Variants in CD109 observed in about 807,000 individuals in gnomAD.
CD109 encodes the protein CD109 molecule.
A neutral mutation model predicts 165.8 loss-of-function variants in CD109; 149 were observed. The observed-to-expected ratio is 0.90, with a 90% CI of 0.79 to 1.03. The LOEUF (loss-of-function observed/expected upper bound fraction) is 1.03. Ranked by LOEUF, CD109 falls within the 50% of genes least tolerant of loss-of-function variation. CD109 has a pLI of 0.00. For missense variants in CD109, 1,712 were observed against 1,677.8 expected (o/e 1.02, Z -0.36); for synonymous variants, 585 against 592.1 (o/e 0.99, Z 0.18).
intron 17 of CD109, among the ~76,000 whole-genome samples, chr6:73,781,687 C>T (rs1437269337): frequency 6.6e-6 from 1 of 151,512 alleles, no homozygotes; most frequent in East Asian, 1.9e-4. Context: ...TTTTGTACTC[C>T]AGCTTTTTGA....
At position 73,766,182 on chromosome 6, in the gene CD109, A is replaced by T. The variant is rs750798188; in HGVS notation, c.1332+28A>T. 8.5e-6 allele frequency: 13 copies of T among 1,528,970 alleles called. 1 individual carries two copies. The South Asian group carries it at 1.5e-4, about 17-fold the overall frequency. 94.7% of individuals were successfully genotyped at this position (1,528,970 alleles called of 1,614,324 possible). A position where few individuals can be genotyped will look rare whatever the true frequency, so the allele number is the denominator to read the frequency against. ...GCCGTCTGTTTCCCATCATTGTGTCACTGCAACAACACCATTACAGTTGTA... is the reference window on the plus strand; with the variant it reads ...GCCGTCTGTTTCCCATCATTGTGTCTCTGCAACAACACCATTACAGTTGTA... On this transcript the variant is annotated intron_variant, in intron 11 of 32. Coordinates refer to ENST00000287097, the MANE Select transcript of CD109 (RefSeq NM_133493.5).
At chr6:73,686,533 T>C in the CD109 span, among the ~76,000 whole-genome samples, 1 of 152,224 alleles carries the variant, frequency 6.6e-6, no homozygotes, top group Admixed American at 6.5e-5. Flanking sequence ...CGGCATATAG[T>C]ATCTGAATAT....
At chr6:73,798,123 TC>T (rs1775235027) in intron 23 of CD109, among the ~76,000 whole-genome samples, 2 of 151,210 alleles carry the variant, frequency 1.3e-5, no homozygotes, top group African/African-American at 2.4e-5. Flanking sequence ...TTTTTTTTTT[TC>T]TTTTTTTTGT....
At chr6:73,771,680 T>A in intron 15 of CD109, 99 bp downstream of exon 15, 1 of 733,930 alleles carries the variant, frequency 1.4e-6, no homozygotes, top group Non-Finnish European at 2.0e-6. Flanking sequence ...TTTCATTAGT[T>A]CCTTTGCATG....
chr6:73,756,703 T>G, intron 6 of CD109, 21 bp downstream of exon 6: 3 of 1,481,842 alleles, frequency 2.0e-6, no homozygotes, highest in Non-Finnish European at 2.7e-6. Flanking sequence ...CTCAATCTAT[T>G]TTGGAAGAAA....
At chr6:73,704,388 G>A (rs906669743) in intron 2 of CD109, among the ~76,000 whole-genome samples, 9 of 152,160 alleles carry the variant, frequency 5.9e-5, no homozygotes, top group African/African-American at 1.9e-4. Context: ...GGACTTTCAT[G>A]TTTGCTTTTA....
the CD109 span, among the ~76,000 whole-genome samples, chr6:73,684,826 G>A: frequency 4.6e-5 from 7 of 150,876 alleles, no homozygotes; most frequent in Non-Finnish European, 7.4e-5. Context: ...CTGGGACCAC[G>A]CTACCATGTC....
chr6:73,788,744 A>T, intron 22 of CD109, 132 bp downstream of exon 22: 2 of 709,762 alleles, frequency 2.8e-6, no homozygotes, highest in Admixed American at 6.6e-5. Context: ...ATTGGGCCCA[A>T]CAACTCATTA....
At chr6:73,791,128 CATACATACATATATAT>C (rs1226304244) in intron 22 of CD109, among the ~76,000 whole-genome samples, 5 of 90,444 alleles carry the variant, frequency 5.5e-5, no homozygotes, top group East Asian at 3.8e-4. Flanking sequence ...CATATATATA[CATACATACATATATAT>C]ATATATATAT....
chr6:73,780,363 G>T, intron 15 of CD109, 61 bp from the exon 16 acceptor site: 3 of 984,882 alleles, frequency 3.0e-6, no homozygotes, highest in South Asian at 1.3e-5. Flanking sequence ...TAAGTTACTT[G>T]GAAGAAGTGT....
intron 31 of CD109, among the ~76,000 whole-genome samples, chr6:73,819,227 A>C (rs1776034578): frequency 6.6e-6 from 1 of 152,236 alleles, no homozygotes; most frequent in African/African-American, 2.4e-5. Context: ...TTGAAAAATT[A>C]GGTGCTAAAT....
At chr6:73,746,118 T>G (rs1297296017) in intron 5 of CD109, among the ~76,000 whole-genome samples, 1 of 152,240 alleles carries the variant, frequency 6.6e-6, no homozygotes, top group Admixed American at 6.5e-5. Flanking sequence ...TATATTATCT[T>G]AACGCAGTGC....
intron 14 of CD109, among the ~76,000 whole-genome samples, chr6:73,768,703 C>T (rs908901823): frequency 6.6e-6 from 1 of 152,110 alleles, no homozygotes; most frequent in Non-Finnish European, 1.5e-5. Flanking sequence ...GCTTGATTAC[C>T]CTGCATGTGA....
chr6:73,781,615 G>A (rs1396076648), intron 17 of CD109, among the ~76,000 whole-genome samples: 1 of 151,998 alleles, frequency 6.6e-6, no homozygotes, highest in Non-Finnish European at 1.5e-5. Flanking sequence ...CTTCTGATTT[G>A]TATCACAAAC....
intron 1 of CD109, 117 bp downstream of exon 1, chr6:73,696,406 C>T (rs1770844455): frequency 2.4e-6 from 2 of 830,470 alleles, no homozygotes; most frequent in South Asian, 5.2e-5. Flanking sequence ...GGGAAATGCC[C>T]TCGCGGCTGC....
At position 73,789,784 on chromosome 6, in the gene CD109, G is replaced by A. The variant is rs571702970; in HGVS notation, c.2701+1172G>A. On this transcript the variant is annotated intron_variant, in intron 22 of 32. Coordinates refer to ENST00000287097, the MANE Select transcript of CD109 (RefSeq NM_133493.5). ...CTTTTTTTTTTTTTTTTCCTTTGATGGAGTCTTGCTCTGTCTCCCAGGCTA... is the reference window on the plus strand; with the variant it reads ...CTTTTTTTTTTTTTTTTCCTTTGATAGAGTCTTGCTCTGTCTCCCAGGCTA... 4.3e-5 allele frequency among the ~76,000 whole-genome samples: 6 copies of A among 138,530 alleles called. No homozygotes were observed. The East Asian group carries it at 8.7e-4, about 20-fold the overall frequency. The allele number at this position is 138,530 out of a possible 152,430, so 90.9% of individuals were successfully genotyped here. A position where few individuals can be genotyped will look rare whatever the true frequency, so the allele number is the denominator to read the frequency against.
chr6:73,787,742 C>T lies in CD109; in HGVS notation c.2556+290C>T, dbSNP rs9343079. On this transcript the variant is annotated intron_variant, in intron 21 of 32. Transcript: ENST00000287097. ...CGTTGGGATCCTATTAAAACACGGC[C>T]AAGTCGATTTGTAGATTTGGAATTT... Among the ~76,000 whole-genome samples the T allele has an allele frequency of 5.9e-5, 9 of 152,082 alleles. No individual in the cohort carries two copies. The East Asian group carries it at 1.5e-3, about 26-fold the overall frequency.
At position 73,814,994 on chromosome 6, in the gene CD109, A is replaced by G. The variant is rs1319756903; in HGVS notation, c.3782A>G (p.Tyr1261Cys). Reference sequence around the variant, plus strand: ...TATTTTTTACAGCTCAATGTTGTATATAATGTGAAGGCTTCTGGGTCTTCT... The same window carrying G: ...TATTTTTTACAGCTCAATGTTGTATGTAATGTGAAGGCTTCTGGGTCTTCT... ...GFAICQLNVVYNVKASGSSRR... is the reference protein window; with the variant it reads ...GFAICQLNVVCNVKASGSSRR... Residue 1261 changes from tyrosine to cysteine, a missense_variant, in exon 30 of 33, where the codon TAT (tyrosine) becomes TGT (cysteine). Tyr to Cys is a radical substitution (Grantham distance 194). Transcript: ENST00000287097. 2 of 1,554,914 alleles carry G rather than the reference A, an allele frequency of 1.3e-6. No individual in the cohort carries two copies. The highest frequency in any genetic ancestry group is 1.4e-5 in the African/African-American group (1 of 70,842).
At chr6:73,688,781 TTTTTTTG>T in the CD109 span, among the ~76,000 whole-genome samples, 1 of 133,544 alleles carries the variant, frequency 7.5e-6, no homozygotes. Flanking sequence ...TTTTTTTTTT[TTTTTTTG>T]AGACAGGGTC....
Sources: allele counts gnomAD v4.1 joint callset (sites outside exome capture counted in the v4.1 genomes callset), GRCh38; gene constraint gnomAD v4.1.1; transcripts MANE v1.5; gene names NCBI Gene and HGNC (gene_info 2026-07-23, HGNC 2026-07-21).